The following STK33 variants were observed in gnomAD, a reference collection of about 807,000 sequenced individuals.
The protein encoded by STK33 is serine/threonine kinase 33.
In STK33, 52 loss-of-function variants were observed where a neutral mutation model predicts 58.0. That is an observed-to-expected ratio of 0.90 (90% confidence interval 0.72 to 1.13). STK33 has a LOEUF of 1.13. STK33 is among the 50% of genes most tolerant of loss of function. STK33 has a pLI of 0.00. For synonymous variants in STK33, 215 were observed against 200.1 expected (o/e 1.07, Z -0.63); for missense variants, 630 against 604.2 (o/e 1.04, Z -0.45).
chr11:8,367,899 C>T, the STK33 span, among the ~76,000 whole-genome samples: 1 of 152,156 alleles, frequency 6.6e-6, no homozygotes, highest in Admixed American at 6.5e-5. Context: ...ACACAGTGCA[C>T]ACGCCCAAAC....
At chr11:8,389,310 C>T (rs753041174), downstream of STK33, among the ~76,000 whole-genome samples, 44 of 152,220 alleles carry the variant, frequency 2.9e-4, 1 homozygote, top group Non-Finnish European at 5.3e-4. Context: ...CGGGAGTCAG[C>T]GTCTGGACCT....
intron 1 of STK33, among the ~76,000 whole-genome samples, chr11:8,564,092 T>C (rs905379163): frequency 6.6e-6 from 1 of 152,224 alleles, no homozygotes; most frequent in Non-Finnish European, 1.5e-5. Flanking sequence ...AATCAGATTT[T>C]TATTTGTAAA....
chr11:8,456,876 A>G (rs535593473), intron 9 of STK33, among the ~76,000 whole-genome samples: 1 of 152,240 alleles, frequency 6.6e-6, no homozygotes, highest in African/African-American at 2.4e-5. Flanking sequence ...ATATCAATCT[A>G]GTGGGGGATT....
rs74576509 is a variant in STK33 at position 8,470,500 on chromosome 11, T to G, written c.339+2663A>C. Among the ~76,000 whole-genome samples the G allele has an allele frequency of 5.1e-4, 78 of 152,362 alleles. No homozygotes were observed. The East Asian group carries it at 0.013, about 25-fold the overall frequency. ...CTTATCATTCACGTGTTCACTGGAA[T>G]AGCACTTTTAATTTCATTCAACAAA... On this transcript the variant is annotated intron_variant, in intron 6 of 15. Transcript: ENST00000687296.
chr11:8,540,942 C>G lies in STK33; in HGVS notation c.-466+53141G>C, dbSNP rs189900539. The stretch of plus-strand genomic sequence containing the variant: ...ATGTGAGATGAGATATGTGAATCGG[C>G]TTCACTATACTACCCATCTTACTAT... On this transcript the variant is annotated intron_variant, in intron 1 of 15. Coordinates refer to ENST00000687296, the MANE Select transcript of STK33 (RefSeq NM_001352389.2). 3.6e-4 allele frequency among the ~76,000 whole-genome samples: 55 copies of G among 150,966 alleles called. No homozygotes were observed. In the East Asian group the frequency reaches 0.01, roughly 28 times the overall value.
the STK33 span, among the ~76,000 whole-genome samples, chr11:8,356,084 C>T: frequency 9.2e-5 from 14 of 152,292 alleles, no homozygotes; most frequent in African/African-American, 2.2e-4. Context: ...GAGCTGGGGA[C>T]GGAGGATTAC....
At chr11:8,549,382 C>T (rs568242130) in intron 1 of STK33, among the ~76,000 whole-genome samples, 237 of 151,632 alleles carry the variant, frequency 1.6e-3, no homozygotes, top group African/African-American at 5.1e-3. Context: ...GCTAGTGTTT[C>T]GTTGAAGATT....
At chr11:8,497,898 A>T (rs1951184863) in intron 1 of STK33, among the ~76,000 whole-genome samples, 1 of 152,216 alleles carries the variant, frequency 6.6e-6, no homozygotes, top group African/African-American at 2.4e-5. Context: ...AGTCAAAGAC[A>T]TCTCACACAC....
chr11:8,542,447 C>T (rs79804358), intron 1 of STK33, among the ~76,000 whole-genome samples: 152 of 152,228 alleles, frequency 1.0e-3, no homozygotes, highest in Middle Eastern at 6.8e-3. Context: ...TTTTGCCTCC[C>T]GGGGGATGGC....
intron 6 of STK33, among the ~76,000 whole-genome samples, chr11:8,468,599 G>T (rs1489812943): frequency 6.6e-6 from 1 of 151,592 alleles, no homozygotes; most frequent in Non-Finnish European, 1.5e-5. Flanking sequence ...AAACCTTTTG[G>T]CTTATTTTTT....
the STK33 span, among the ~76,000 whole-genome samples, chr11:8,358,278 T>TG: frequency 0.13 from 20,047 of 151,910 alleles, 1,748 homozygotes; most frequent in East Asian, 0.25. Flanking sequence ...CAGCTTGGGG[T>TG]GGGGGGGCAT....
intron 1 of STK33, among the ~76,000 whole-genome samples, chr11:8,516,674 CAGG>C (rs1952815850): frequency 6.6e-6 from 1 of 152,334 alleles, no homozygotes; most frequent in South Asian, 2.1e-4. Flanking sequence ...AATGGCATAC[CAGG>C]AGATTATATC....
chr11:8,478,650 T>C (rs530837847), intron 2 of STK33, among the ~76,000 whole-genome samples: 36 of 152,278 alleles, frequency 2.4e-4, no homozygotes, highest in Middle Eastern at 3.4e-3. Context: ...AATTTTCTTC[T>C]CCAAAAGCAA....
At chr11:8,412,978 C>G (rs376580046) in intron 15 of STK33, among the ~76,000 whole-genome samples, 17 of 152,026 alleles carry the variant, frequency 1.1e-4, no homozygotes, top group African/African-American at 4.1e-4. Context: ...TTTTTGTTAC[C>G]ATAAATTCAG....
At chr11:8,475,794 G>C (rs994014605) in intron 4 of STK33, 4 of 152,138 alleles carry the variant, frequency 2.6e-5, no homozygotes, top group African/African-American at 9.7e-5. Context: ...GGAGTACTTT[G>C]AGAAACTTCC....
chr11:8,518,342 T>C (rs182359577), intron 1 of STK33, among the ~76,000 whole-genome samples: 5 of 152,112 alleles, frequency 3.3e-5, no homozygotes, highest in Admixed American at 3.3e-4. Context: ...CCGAAGGAAG[T>C]ACTAAACATG....
In STK33 at chr11:8,436,142, G is replaced by C; in HGVS notation, c.948-3C>G. 6.6e-7 allele frequency: 1 copy of C among 1,511,894 alleles called. No homozygotes were observed. The highest frequency in any genetic ancestry group is 8.9e-7 in the Non-Finnish European group (1 of 1,119,932). The allele number at this position is 1,511,894 out of a possible 1,614,324, so 93.7% of individuals were successfully genotyped here. On this transcript the variant is annotated splice_polypyrimidine_tract_variant and splice_region_variant and intron_variant, in intron 12 of 15. Coordinates refer to ENST00000687296, the MANE Select transcript of STK33 (RefSeq NM_001352389.2). ...AAAAGGGTGGTTCTCCACGTAATCT[G>C]CAACAAAGGCAATCACTTTGTTTAA...
chr11:8,544,118 G>A (rs762636942), intron 1 of STK33, among the ~76,000 whole-genome samples: 2 of 151,570 alleles, frequency 1.3e-5, no homozygotes, highest in African/African-American at 2.4e-5. Context: ...CCATCAACCC[G>A]TCAACTACAT....
intron 1 of STK33, among the ~76,000 whole-genome samples, chr11:8,557,786 A>C (rs1160137818): frequency 6.6e-6 from 1 of 152,198 alleles, no homozygotes; most frequent in Non-Finnish European, 1.5e-5. Flanking sequence ...GAAAAAAAAA[A>C]AGTAATTCAC....
Sources: allele counts gnomAD v4.1 joint callset (sites outside exome capture counted in the v4.1 genomes callset), GRCh38; gene constraint gnomAD v4.1.1; transcripts MANE v1.5; gene names NCBI Gene and HGNC (gene_info 2026-07-23, HGNC 2026-07-21).